IPPK: variants seen among roughly 807,000 people sequenced by gnomAD.
IPPK encodes the protein IPK1 homolog.
A neutral mutation model predicts 64.6 loss-of-function variants in IPPK; 22 were observed. That is an observed-to-expected ratio of 0.34 (90% confidence interval 0.24 to 0.49). The LOEUF is 0.49. Among genes scored for constraint, IPPK ranks in the 20% least tolerant of loss-of-function variants. The probability of loss-of-function intolerance (pLI) is 0.99; values close to 1 mark genes in which losing one functional copy is unlikely to be tolerated. For synonymous variants in IPPK, 262 were observed against 247.2 expected, an observed-to-expected ratio of 1.06 and a Z score of -0.56; for missense variants, 532 against 630.7, an observed-to-expected ratio of 0.84 and a Z score of 1.68.
intron 1 of IPPK, among the ~76,000 whole-genome samples, chr9:92,668,022 CA>C (rs1459221180): frequency 6.6e-6 from 1 of 152,218 alleles, no homozygotes; most frequent in African/African-American, 2.4e-5. Context: ...GTAATCCCAG[CA>C]CTTTGGGAGG....
intron 11 of IPPK, among the ~76,000 whole-genome samples, chr9:92,624,091 C>G (rs1231296667): frequency 2.6e-5 from 4 of 152,094 alleles, no homozygotes; most frequent in African/African-American, 9.7e-5. Context: ...AATCCCAACA[C>G]TTTGGGACAC....
chr9:92,657,226 G>A (rs1852389546), intron 2 of IPPK, among the ~76,000 whole-genome samples: 1 of 152,118 alleles, frequency 6.6e-6, no homozygotes, highest in African/African-American at 2.4e-5. Flanking sequence ...GCGGGCACCT[G>A]TAATCCCAGC....
intron 11 of IPPK, among the ~76,000 whole-genome samples, chr9:92,626,135 C>T (rs1423808689): frequency 2.0e-5 from 3 of 152,108 alleles, no homozygotes; most frequent in African/African-American, 4.8e-5. Flanking sequence ...TGGTAGCTCA[C>T]GCCTGTAATC....
At position 92,638,247 on chromosome 9, in the gene IPPK, G is replaced by C; in HGVS notation, c.670C>G (p.Arg224Gly). 6.2e-7 allele frequency: 1 copy of C among 1,614,072 alleles called. No individual in the cohort carries two copies. Among genetic ancestry groups the C allele is most frequent in the Non-Finnish European group, 8.5e-7 (1 of 1,179,930 alleles). The change falls in exon 9 of 13, where the codon CGG becomes GGG. Residue 224 changes from arginine to glycine, a missense_variant. By Grantham distance (125) the Arg-to-Gly change is moderately radical. Coordinates refer to ENST00000287996, the MANE Select transcript of IPPK (RefSeq NM_022755.6). ...TCGCTCCAGTCAGCCACGGGGCTCC[G>C]GGCATCTTTGCAGCCGTAAATCAGC... The part of the protein sequence containing the change: ...GELIYGCKDA[R>G]SPVADWSELA...
chr9:92,619,837 G>C lies in IPPK; in HGVS notation c.1171-272C>G, dbSNP rs146223857. On this transcript the variant is annotated intron_variant, in intron 11 of 12. Coordinates refer to ENST00000287996, the MANE Select transcript of IPPK (RefSeq NM_022755.6). ...GTGTGGGACCCCGACTCCAGACCCT[G>C]AGACGGATGATCTGTCTTCAGCAAG... 2.3e-3 allele frequency: 1,146 copies of C among 493,580 alleles called. 1 individual carries two copies. The highest frequency in any genetic ancestry group is 3.6e-3 in the Non-Finnish European group (960 of 269,102). 30.6% of individuals were successfully genotyped at this position (493,580 alleles called of 1,614,324 possible). A position where few individuals can be genotyped will look rare whatever the true frequency, so the allele number is the denominator to read the frequency against.
chr9:92,638,468 A>G (rs894643423), intron 8 of IPPK, among the ~76,000 whole-genome samples, 188 bp from the exon 9 acceptor site: 11 of 152,084 alleles, frequency 7.2e-5, no homozygotes, highest in Non-Finnish European at 5.9e-5. Flanking sequence ...TGTGCTATCA[A>G]CCAAGCACCA....
intron 2 of IPPK, 45 bp downstream of exon 2, chr9:92,658,589 C>T: frequency 6.7e-7 from 1 of 1,503,402 alleles, no homozygotes; most frequent in Non-Finnish European, 9.2e-7. Context: ...TCAGAGTTTT[C>T]TTAAATAATT....
intron 1 of IPPK, among the ~76,000 whole-genome samples, chr9:92,665,484 A>G (rs932497097): frequency 3.3e-5 from 5 of 152,246 alleles, no homozygotes; most frequent in African/African-American, 1.2e-4. Flanking sequence ...ACGGACTACT[A>G]GAACAGAAAT....
At chr9:92,669,676 G>A (rs1487538181) in intron 1 of IPPK, among the ~76,000 whole-genome samples, 1 of 151,776 alleles carries the variant, frequency 6.6e-6, no homozygotes, top group Admixed American at 6.6e-5. Context: ...CCAGGAGAAG[G>A]ATCTGGGGCA....
intron 7 of IPPK, among the ~76,000 whole-genome samples, chr9:92,642,285 C>T (rs1352963617): frequency 2.0e-5 from 3 of 152,254 alleles, no homozygotes; most frequent in African/African-American, 4.8e-5. Context: ...GGCCGGGGAG[C>T]GTGGAGGCAG....
At chr9:92,626,226 T>G (rs1851731057) in intron 11 of IPPK, among the ~76,000 whole-genome samples, 1 of 151,872 alleles carries the variant, frequency 6.6e-6, no homozygotes. Context: ...CGAAACCCCA[T>G]CTCTACTAAA....
chr9:92,626,361 C>T (rs1851733570), intron 11 of IPPK, among the ~76,000 whole-genome samples: 1 of 152,184 alleles, frequency 6.6e-6, no homozygotes, highest in African/African-American at 2.4e-5. Context: ...CGCACCACTG[C>T]ACTCCAGCCC....
intron 1 of IPPK, among the ~76,000 whole-genome samples, chr9:92,659,925 C>G (rs1015132434): frequency 2.0e-5 from 3 of 152,080 alleles, no homozygotes; most frequent in African/African-American, 7.2e-5. Flanking sequence ...CCTCCTTAAG[C>G]CCCAAGCTGA....
chr9:92,649,622 T>C, intron 4 of IPPK, 48 bp from the exon 5 acceptor site: 1 of 1,608,426 alleles, frequency 6.2e-7, no homozygotes, highest in Non-Finnish European at 8.5e-7. Flanking sequence ...GTGAGAGAGA[T>C]GAGATGATCC....
At chr9:92,664,970 C>T (rs558247645) in intron 1 of IPPK, among the ~76,000 whole-genome samples, 1 of 152,272 alleles carries the variant, frequency 6.6e-6, no homozygotes, top group East Asian at 1.9e-4. Flanking sequence ...AACAAACCCC[C>T]GTGCACGAGA....
At chr9:92,619,414 T>C in intron 12 of IPPK, 72 bp downstream of exon 12, 1 of 1,225,252 alleles carries the variant, frequency 8.2e-7, no homozygotes, top group East Asian at 2.5e-5. Flanking sequence ...CCAACTATCC[T>C]ATTAACAATT....
chr9:92,659,170 G>A (rs1416672303), intron 1 of IPPK, among the ~76,000 whole-genome samples: 1 of 152,176 alleles, frequency 6.6e-6, no homozygotes, highest in African/African-American at 2.4e-5. Flanking sequence ...ACGTATGGGT[G>A]TAATTCTATT....
intron 6 of IPPK, among the ~76,000 whole-genome samples, chr9:92,645,332 CAGT>C (rs1188632981): frequency 1.3e-5 from 2 of 151,780 alleles, no homozygotes; most frequent in African/African-American, 2.4e-5. Flanking sequence ...GTCAAGGCTG[CAGT>C]GAGTCATGTT....
intron 3 of IPPK, among the ~76,000 whole-genome samples, chr9:92,653,062 C>T (rs750589729): frequency 6.6e-6 from 1 of 152,216 alleles, no homozygotes. Context: ...GAGAACCTCA[C>T]GCTTCCACCT....
Sources: allele counts gnomAD v4.1 joint callset (sites outside exome capture counted in the v4.1 genomes callset), GRCh38; gene constraint gnomAD v4.1.1; transcripts MANE v1.5; gene names NCBI Gene and HGNC (gene_info 2026-07-23, HGNC 2026-07-21).